TXNRD2: variants seen among roughly 807,000 people sequenced by gnomAD.
TXNRD2 encodes the protein thioredoxin reductase 2, also known as thioredoxin reductase 2, mitochondrial.
In TXNRD2, 67 loss-of-function variants were observed where a neutral mutation model predicts 70.8. The ratio of observed to expected loss-of-function variants is 0.95; its 90% CI spans 0.78 to 1.16. The LOEUF (loss-of-function observed/expected upper bound fraction) is 1.16, where lower values mean the gene tolerates loss of function less well. TXNRD2 is among the 50% of genes most tolerant of loss of function. The pLI, the probability that TXNRD2 is intolerant of heterozygous loss-of-function variation, is 0.00. For synonymous variants in TXNRD2, 301 were observed against 295.8 expected, an observed-to-expected ratio of 1.02 and a Z score of -0.18; for missense variants, 644 against 719.9, an observed-to-expected ratio of 0.89 and a Z score of 1.21.
At chr22:19,939,919 A>T (rs1941643993) in intron 1 of TXNRD2, among the ~76,000 whole-genome samples, 1 of 152,214 alleles carries the variant, frequency 6.6e-6, no homozygotes, top group East Asian at 1.9e-4. Flanking sequence ...CAATTTGGGA[A>T]TGATTGTGTT....
At chr22:19,880,367 AC>A in intron 13 of TXNRD2, 96 bp from the exon 14 acceptor site, 2 of 1,301,424 alleles carry the variant, frequency 1.5e-6, no homozygotes, top group Non-Finnish European at 2.2e-6. Context: ...ACAGACCAGG[AC>A]CAGATGCGCC....
intron 7 of TXNRD2, 125 bp downstream of exon 7, chr22:19,915,089 A>G: frequency 2.3e-6 from 2 of 878,286 alleles, no homozygotes; most frequent in South Asian, 1.4e-5. Context: ...AAGTGATGAT[A>G]GTGAGTATAG....
At chr22:19,917,162 G>A (rs981447158) in intron 5 of TXNRD2, among the ~76,000 whole-genome samples, 14 of 152,210 alleles carry the variant, frequency 9.2e-5, no homozygotes, top group African/African-American at 3.1e-4. Context: ...GTGCGCCCCA[G>A]CCTCCTTCTG....
rs1307977717 is a variant in TXNRD2 at position 19,915,807 on chromosome 22, A to C, written c.486T>G (p.Val162=). ...CAACGCCGCAAACCGTGTGCTCGTC[A>C]ACAAAGCTGGCTTTGATGTTAAAGT... The part of the protein sequence containing the change: ...VKYFNIKASF[V]DEHTVCGVAK... Residue 162 remains valine, a synonymous_variant, in exon 6 of 18, where the codon GTT becomes GTG. Coordinates refer to ENST00000400521, the MANE Select transcript of TXNRD2 (RefSeq NM_006440.5). 3.1e-6 allele frequency: 5 copies of C among 1,614,092 alleles called. No homozygotes were observed. In the African/African-American group the frequency reaches 6.7e-5, roughly 22 times the overall value.
chr22:19,913,159 C>A (rs1010997131), intron 7 of TXNRD2, among the ~76,000 whole-genome samples: 62 of 152,308 alleles, frequency 4.1e-4, no homozygotes, highest in African/African-American at 1.4e-3. Context: ...TCTGCCCCCA[C>A]AACCCACAAG....
rs367957191 is a variant in TXNRD2 at position 19,916,530 on chromosome 22, C to T, written c.450-687G>A. On this transcript the variant is annotated intron_variant, in intron 5 of 17. Transcript: ENST00000400521. ...CTAATTTTTGTATTTTTAGTAGAGA[C>T]GGGGTTTCGCCATGTTGGCCAGGCT... 4.6e-5 allele frequency among the ~76,000 whole-genome samples: 7 copies of T among 152,102 alleles called. No homozygotes were observed. The East Asian group carries it at 1.4e-3, about 29-fold the overall frequency.
chr22:19,882,947 C>A (rs1382839897), intron 12 of TXNRD2, among the ~76,000 whole-genome samples: 4 of 152,248 alleles, frequency 2.6e-5, no homozygotes, highest in African/African-American at 9.6e-5. Flanking sequence ...GCCTCTCAAC[C>A]CTGTGGGGAC....
chr22:19,901,232 C>G (rs756938380), intron 8 of TXNRD2, among the ~76,000 whole-genome samples: 1 of 152,236 alleles, frequency 6.6e-6, no homozygotes, highest in African/African-American at 2.4e-5. Flanking sequence ...CAGGCCCTCC[C>G]TCGGAGTCCC....
chr22:19,909,111 C>G (rs1940199597), intron 8 of TXNRD2, among the ~76,000 whole-genome samples: 1 of 149,116 alleles, frequency 6.7e-6, no homozygotes, highest in South Asian at 2.1e-4. Flanking sequence ...AGGGCTGAGA[C>G]AGGAGAATCG....
chr22:19,936,424 C>A (rs1941541265), intron 1 of TXNRD2, among the ~76,000 whole-genome samples: 1 of 152,180 alleles, frequency 6.6e-6, no homozygotes, highest in South Asian at 2.1e-4. Context: ...AGAGCCGACA[C>A]TTGTAGCTCC....
At chr22:19,932,217 G>A in intron 1 of TXNRD2, 1 of 1,452,008 alleles carries the variant, frequency 6.9e-7, no homozygotes, top group Non-Finnish European at 9.6e-7. Context: ...CCTCACAGCT[G>A]GCCAGTGCAC....
At chr22:19,933,408 G>A (rs772474921) in intron 1 of TXNRD2, 114 of 1,282,080 alleles carry the variant, frequency 8.9e-5, no homozygotes, top group East Asian at 1.1e-4. Flanking sequence ...CCTGGTAGCC[G>A]GAAGCTTTGC....
chr22:19,879,746 G>A (rs35687671), intron 14 of TXNRD2, among the ~76,000 whole-genome samples: 5,728 of 152,194 alleles, frequency 0.038, 145 homozygotes, highest in Non-Finnish European at 0.06. Flanking sequence ...TGCTTTCAGG[G>A]ACAAGCTGCT....
At chr22:19,940,244 CA>C (rs141013808) in intron 1 of TXNRD2, among the ~76,000 whole-genome samples, 1,190 of 68,450 alleles carry the variant, frequency 0.017, 5 homozygotes, top group African/African-American at 0.064. Context: ...GACACTGTCT[CA>C]AAAAAAAAAA....
intron 7 of TXNRD2, among the ~76,000 whole-genome samples, chr22:19,913,139 C>T (rs773614696): frequency 2.0e-5 from 3 of 152,196 alleles, no homozygotes; most frequent in Non-Finnish European, 4.4e-5. Flanking sequence ...CCCGGGGCCC[C>T]TTCCTCAACT....
intron 2 of TXNRD2, among the ~76,000 whole-genome samples, chr22:19,924,998 CG>C (rs1330608127): frequency 4.1e-5 from 6 of 147,130 alleles, no homozygotes; most frequent in Non-Finnish European, 1.5e-5. Flanking sequence ...AAAAAAAAAG[CG>C]GGGGGCCAGG....
intron 4 of TXNRD2, among the ~76,000 whole-genome samples, chr22:19,918,639 T>C (rs181775603): frequency 2.0e-5 from 3 of 152,312 alleles, no homozygotes; most frequent in Admixed American, 1.3e-4. Flanking sequence ...GTAGCATCCC[T>C]GGGCTCCCCG....
chr22:19,941,347 T>C (rs1307032735), intron 1 of TXNRD2, among the ~76,000 whole-genome samples: 3 of 152,204 alleles, frequency 2.0e-5, no homozygotes, highest in African/African-American at 4.8e-5. Flanking sequence ...TGGGGAGAAG[T>C]TGGGAAGTCT....
At chr22:19,906,213 C>T (rs1460493285) in intron 8 of TXNRD2, among the ~76,000 whole-genome samples, 1 of 152,192 alleles carries the variant, frequency 6.6e-6, no homozygotes, top group African/African-American at 2.4e-5. Context: ...GGCATGCTCA[C>T]AGACACGCTC....
Sources: allele counts gnomAD v4.1 joint callset (sites outside exome capture counted in the v4.1 genomes callset), GRCh38; gene constraint gnomAD v4.1.1; transcripts MANE v1.5; gene names NCBI Gene and HGNC (gene_info 2026-07-23, HGNC 2026-07-21).